Variants in ZNF560 observed in about 807,000 individuals in gnomAD.
ZNF560 encodes zinc finger protein 560.
Under a neutral mutation model 81.8 loss-of-function variants are expected in ZNF560, and 54 were observed. The ratio of observed to expected loss-of-function variants is 0.66; its 90% confidence interval spans 0.53 to 0.83. ZNF560 has a LOEUF of 0.83. Ranked by LOEUF, ZNF560 falls within the 40% of genes least tolerant of loss-of-function variation. The pLI is 0.00. For missense variants in ZNF560, 940 were observed against 932.4 expected, an observed-to-expected ratio of 1.01 and a Z score of -0.11; for synonymous variants, 321 against 317.9, an observed-to-expected ratio of 1.01 and a Z score of -0.10.
At chr19:9,496,105 C>T (rs2073553554) in intron 2 of ZNF560, among the ~76,000 whole-genome samples, 1 of 152,094 alleles carries the variant, frequency 6.6e-6, no homozygotes, top group African/African-American at 2.4e-5. Context: ...AAAATGTTAA[C>T]TACATATAAA....
the ZNF560 span, among the ~76,000 whole-genome samples, chr19:9,447,979 C>A: frequency 6.6e-6 from 1 of 152,096 alleles, no homozygotes; most frequent in Non-Finnish European, 1.5e-5. Context: ...ACATCAGGTA[C>A]AAAGGGAATC....
At chr19:9,505,677 TTTG>T in the ZNF560 span, among the ~76,000 whole-genome samples, 1 of 152,178 alleles carries the variant, frequency 6.6e-6, no homozygotes, top group African/African-American at 2.4e-5. Context: ...TTTCATTGAT[TTTG>T]TTTTGTTTTG....
At chr19:9,462,147 A>G (rs902934275), downstream of ZNF560, among the ~76,000 whole-genome samples, 1 of 152,242 alleles carries the variant, frequency 6.6e-6, no homozygotes. Context: ...AAGCCTGGCC[A>G]TAAACAAGCC....
chr19:9,484,827 TAAAAAATAA>T (rs1426873962), intron 2 of ZNF560, among the ~76,000 whole-genome samples: 1 of 136,224 alleles, frequency 7.3e-6, no homozygotes, highest in Non-Finnish European at 1.6e-5. Context: ...ATTAAGCCTT[TAAAAAATAA>T]AAAAAAGAAA....
chr19:9,450,619 T>C, the ZNF560 span, among the ~76,000 whole-genome samples: 1 of 152,104 alleles, frequency 6.6e-6, no homozygotes, highest in Non-Finnish European at 1.5e-5. Context: ...AGTGGCACGA[T>C]CTCGGCTCAC....
At position 9,467,978 on chromosome 19, in the gene ZNF560, C is replaced by G. The variant is rs751081911; in HGVS notation, c.969G>C (p.Lys323Asn). Reference protein sequence around the residue: ...TQSGEKLNEWKQCGEAFTHST... With the variant: ...TQSGEKLNEWNQCGEAFTHST... ...AGTGAGTAAATGCTTCCCCACATTG[C>G]TTCCATTCATTGAGTTTTTCTCCAC... is the stretch of plus-strand genomic sequence containing the variant. Residue 323 changes from lysine (K) to asparagine (N), a missense_variant, in exon 10 of 10, where the codon AAG becomes AAC. Coordinates refer to ENST00000301480, the MANE Select transcript of ZNF560 (RefSeq NM_152476.3). 12 of 1,614,000 alleles carry G rather than the reference C, an allele frequency of 7.4e-6. No individual in the cohort carries two copies. The highest frequency in any genetic ancestry group is 1.7e-5 in the Admixed American group (1 of 59,988).
downstream of ZNF560, among the ~76,000 whole-genome samples, chr19:9,464,708 G>A (rs1335228411): frequency 6.6e-6 from 1 of 152,136 alleles, no homozygotes; most frequent in Non-Finnish European, 1.5e-5. Context: ...AATCCTGAAG[G>A]CCCACTTTAG....
chr19:9,468,360 A>G, intron 9 of ZNF560, 26 bp from the exon 10 acceptor site: 1 of 1,532,546 alleles, frequency 6.5e-7, no homozygotes, highest in Non-Finnish European at 8.8e-7. Context: ...TGAACAATAA[A>G]GGAAGCATTT....
intron 2 of ZNF560, among the ~76,000 whole-genome samples, chr19:9,488,599 G>A (rs1029349708): frequency 6.6e-6 from 1 of 151,624 alleles, no homozygotes; most frequent in Non-Finnish European, 1.5e-5. Flanking sequence ...CATAATGCAA[G>A]AGAAAAAAGC....
At chr19:9,468,825 G>A (rs1332925206) in intron 9 of ZNF560, among the ~76,000 whole-genome samples, 4 of 151,466 alleles carry the variant, frequency 2.6e-5, no homozygotes, top group African/African-American at 9.7e-5. Context: ...CACCTCCTGG[G>A]TTCAAACAAT....
chr19:9,483,534 T>TG (rs1304675614), intron 2 of ZNF560, among the ~76,000 whole-genome samples: 180 of 131,470 alleles, frequency 1.4e-3, no homozygotes, highest in Non-Finnish European at 2.2e-3. Context: ...GGGAGGGGGG[T>TG]GGGGGGTCAG....
chr19:9,491,642 T>A (rs909342659), intron 2 of ZNF560, among the ~76,000 whole-genome samples: 2 of 151,654 alleles, frequency 1.3e-5, no homozygotes, highest in African/African-American at 2.4e-5. Context: ...CTGGCTAACA[T>A]GGTGAAACCC....
In ZNF560 at chr19:9,468,246, C is replaced by T. The variant is rs760239574; in HGVS notation, c.701G>A (p.Ser234Asn). 1.2e-6 allele frequency: 2 copies of T among 1,614,054 alleles called. No homozygotes were observed. The highest frequency in any genetic ancestry group is 3.3e-5 in the Admixed American group (2 of 60,008). ...AGACGTGTTGCCTCTATTTTGAGTA[C>T]TCATGTTGGTCTTAAGGCATGGATG... ...CKHPCLKTNMSTQNRGNTSEC... is the reference protein window; with the variant it reads ...CKHPCLKTNMNTQNRGNTSEC... The change falls in exon 10 of 10, where the codon AGT becomes AAT. Residue 234 changes from serine to asparagine, a missense_variant. Physicochemically the swap from Ser to Asn is conservative, Grantham distance 46. Transcript: ENST00000301480.
At chr19:9,471,401 G>T in intron 5 of ZNF560, 23 bp from the exon 6 acceptor site, 2 of 1,423,936 alleles carry the variant, frequency 1.4e-6, no homozygotes, top group Non-Finnish European at 1.9e-6. Context: ...CATAAACTGA[G>T]GTTTTTTTTT....
the ZNF560 span, among the ~76,000 whole-genome samples, chr19:9,451,693 T>C: frequency 6.6e-6 from 1 of 151,982 alleles, no homozygotes; most frequent in Non-Finnish European, 1.5e-5. Context: ...CAAAAGAAAA[T>C]ATTTTCAAAT....
rs766688197 is a variant in ZNF560, at chr19:9,474,179, T to C, written c.157+20A>G. ...TATATCTCTTCCCTAAGAGGCTGCA[T>C]AAAATGATGGCAGTCTTACCTACTT... On this transcript the variant is annotated intron_variant, in intron 4 of 9. Coordinates refer to ENST00000301480, the MANE Select transcript of ZNF560 (RefSeq NM_152476.3). 1 of 1,614,018 alleles carries C rather than the reference T, an allele frequency of 6.2e-7. No individual in the cohort carries two copies. Among genetic ancestry groups the C allele is most frequent in the South Asian group, 1.1e-5 (1 of 91,082 alleles).
At chr19:9,470,279 G>T in intron 7 of ZNF560, 113 bp downstream of exon 7, 3 of 1,410,190 alleles carry the variant, frequency 2.1e-6, no homozygotes, top group East Asian at 2.3e-5. Context: ...TTTTTTTTCA[G>T]TGTGTATATA....
chr19:9,502,206 G>T (rs1472174084), upstream of ZNF560, among the ~76,000 whole-genome samples: 2 of 122,772 alleles, frequency 1.6e-5, no homozygotes, highest in Non-Finnish European at 3.5e-5. Flanking sequence ...GTTTTGTTTC[G>T]GTTTGGTTTG....
chr19:9,464,146 C>T (rs1406960230), downstream of ZNF560, among the ~76,000 whole-genome samples: 1 of 152,142 alleles, frequency 6.6e-6, no homozygotes, highest in African/African-American at 2.4e-5. Context: ...GGTTATGCAG[C>T]TTGTGCGTGT....
Sources: allele counts gnomAD v4.1 joint callset (sites outside exome capture counted in the v4.1 genomes callset), GRCh38; gene constraint gnomAD v4.1.1; transcripts MANE v1.5; gene names NCBI Gene and HGNC (gene_info 2026-07-23, HGNC 2026-07-21).